RUFY1: variants seen among roughly 807,000 people sequenced by gnomAD.
The protein encoded by RUFY1 is RUN and FYVE domain-containing protein 1.
RUFY1 carries 54 observed loss-of-function variants against 94.6 expected under a neutral mutation model. The ratio of observed to expected loss-of-function variants is 0.57; its 90% CI spans 0.46 to 0.72. RUFY1 has a LOEUF of 0.72. Among genes scored for constraint, RUFY1 ranks in the 30% least tolerant of loss-of-function variants. RUFY1 has a pLI of 0.00. For missense variants in RUFY1, 883 were observed against 883.9 expected, an observed-to-expected ratio of 1.00 and a Z score of 0.01; for synonymous variants, 396 against 347.3, an observed-to-expected ratio of 1.14 and a Z score of -1.56.
chr5:179,570,852 T>C (rs1763177358), intron 5 of RUFY1, among the ~76,000 whole-genome samples: 1 of 152,164 alleles, frequency 6.6e-6, no homozygotes, highest in Non-Finnish European at 1.5e-5. Flanking sequence ...GAAGTATTTT[T>C]GAAAAGACAC....
intron 8 of RUFY1, 87 bp downstream of exon 8, chr5:179,585,952 T>C (rs937615824): frequency 9.6e-6 from 10 of 1,042,306 alleles, no homozygotes; most frequent in Non-Finnish European, 1.5e-5. Flanking sequence ...ATAGCAGAGC[T>C]TCCTGCTGGT....
At chr5:179,591,345 C>T (rs1488982575) in intron 9 of RUFY1, among the ~76,000 whole-genome samples, 7 of 151,860 alleles carry the variant, frequency 4.6e-5, no homozygotes, top group Admixed American at 4.6e-4. Context: ...CCACCACGCC[C>T]AGCTAATTGT....
intron 1 of RUFY1, among the ~76,000 whole-genome samples, chr5:179,553,647 G>A (rs1320177840): frequency 1.3e-5 from 2 of 151,914 alleles, no homozygotes; most frequent in African/African-American, 4.8e-5. Flanking sequence ...AAAATTAGCC[G>A]GGCTTGGTGG....
In RUFY1 at chr5:179,593,600, G is replaced by A. The variant is rs767845158; in HGVS notation, c.1368G>A (p.Leu456=). Residue 456 remains leucine (L), a synonymous_variant, in exon 11 of 18, where the codon CTG becomes CTA. Transcript: ENST00000319449. The part of the protein sequence containing the change: ...QDTLVALRQQ[L]EEVKAINLQM... Reference sequence around the variant, plus strand: ...CACTAGTTGCCCTCCGCCAGCAGCTGGAAGAAGTCAAAGCGATTAATTTAC... The same window carrying A: ...CACTAGTTGCCCTCCGCCAGCAGCTAGAAGAAGTCAAAGCGATTAATTTAC... The A allele has an allele frequency of 3.7e-6, 6 of 1,614,054 alleles. No individual in the cohort carries two copies. In the East Asian group the frequency reaches 1.3e-4, roughly 36 times the overall value.
chr5:179,564,219 C>T (rs1046368677), intron 3 of RUFY1, among the ~76,000 whole-genome samples: 1 of 149,618 alleles, frequency 6.7e-6, no homozygotes, highest in Admixed American at 6.7e-5. Context: ...CCCTGGGTTC[C>T]AGCGATTCTC....
chr5:179,605,954 C>G, intron 16 of RUFY1, 30 bp downstream of exon 16: 1 of 1,523,814 alleles, frequency 6.6e-7, no homozygotes, highest in Non-Finnish European at 9.1e-7. Flanking sequence ...CACTTCTTTG[C>G]TGTCAGCTTG....
intron 10 of RUFY1, among the ~76,000 whole-genome samples, chr5:179,592,452 C>T (rs1022871585): frequency 2.6e-5 from 4 of 152,160 alleles, no homozygotes; most frequent in African/African-American, 9.7e-5. Context: ...CGGAGTTTCA[C>T]CATCTTGGGC....
rs748319712 is a variant in RUFY1, at chr5:179,577,159, CTTTTTTTTTTTTTTTTT to C, written c.890+37_890+53del. The stretch of plus-strand genomic sequence containing the variant: ...GGAGTAAGTACTGCGTTGTATGTCA[CTTTTTTTTTTTTTTTTT>C]TTTTTTTTTTTTTGAGACAGAATCT... On this transcript the variant is annotated intron_variant, in intron 6 of 17. Coordinates refer to ENST00000319449, the MANE Select transcript of RUFY1 (RefSeq NM_025158.5). The C allele has an allele frequency of 1.3e-3, 251 of 186,746 alleles. 2 individuals carry two copies. The highest frequency in any genetic ancestry group is 8.5e-3 in the South Asian group (191 of 22,352). The allele number at this position is 186,746 out of a possible 1,614,324, so 11.6% of individuals were successfully genotyped here. A position where few individuals can be genotyped will look rare whatever the true frequency, so the allele number is the denominator to read the frequency against.
At chr5:179,606,031 C>A in intron 16 of RUFY1, 107 bp downstream of exon 16, 1 of 782,820 alleles carries the variant, frequency 1.3e-6, no homozygotes, top group East Asian at 2.5e-5. Context: ...GTGGTTGAGG[C>A]AGTGGTGATG....
At chr5:179,580,284 C>T (rs951746846) in intron 6 of RUFY1, among the ~76,000 whole-genome samples, 1 of 143,410 alleles carries the variant, frequency 7.0e-6, no homozygotes, top group African/African-American at 2.5e-5. Flanking sequence ...GCTCTGTCGC[C>T]CAGGCTGGAG....
chr5:179,600,373 G>A (rs73809490), intron 14 of RUFY1, among the ~76,000 whole-genome samples: 3,128 of 152,232 alleles, frequency 0.021, 121 homozygotes, highest in African/African-American at 0.07. Context: ...TGTCAGTGCC[G>A]TTGCCCCCTG....
chr5:179,607,632 G>A lies in RUFY1; in HGVS notation c.1956G>A (p.Glu652=). 1 of 1,614,162 alleles carries A rather than the reference G, an allele frequency of 6.2e-7. No individual in the cohort carries two copies. The highest frequency in any genetic ancestry group is 8.5e-7 in the Non-Finnish European group (1 of 1,179,998). ...DDEATHCRQC[E]KEFSISRRKH... is the part of the protein sequence containing the mutation. ...AAGCGACACACTGTAGGCAGTGTGA[G>A]AAGGAGTTCTCCATTTCCCGGAGAA... The change falls in exon 17 of 18, where the codon GAG becomes GAA. Residue 652 remains glutamate (E), a synonymous_variant. Coordinates refer to ENST00000319449, the MANE Select transcript of RUFY1 (RefSeq NM_025158.5).
At chr5:179,581,370 A>C (rs1363343765) in intron 7 of RUFY1, among the ~76,000 whole-genome samples, 1 of 152,102 alleles carries the variant, frequency 6.6e-6, no homozygotes, top group African/African-American at 2.4e-5. Context: ...CCAGGAAAAA[A>C]GAGTTGAAAA....
intron 1 of RUFY1, among the ~76,000 whole-genome samples, chr5:179,556,599 C>A (rs367678682): frequency 6.6e-6 from 1 of 151,906 alleles, no homozygotes; most frequent in Non-Finnish European, 1.5e-5. Flanking sequence ...CTCCCGAGTT[C>A]AAGTGATCCT....
rs1762419849 is a variant in RUFY1, at chr5:179,561,110, C to G, written c.484+912C>G. Among the ~76,000 whole-genome samples the G allele has an allele frequency of 1.3e-5, 2 of 152,110 alleles. 1 individual carries two copies. The highest frequency in any genetic ancestry group is 2.9e-5 in the Non-Finnish European group (2 of 68,040). Reference sequence around the variant, plus strand: ...CCTGTAATCCCAGCTACTCGAGTGGCTGAGGCAGGAGAATCTCTTGAACCC... The same window carrying G: ...CCTGTAATCCCAGCTACTCGAGTGGGTGAGGCAGGAGAATCTCTTGAACCC... On this transcript the variant is annotated intron_variant, in intron 2 of 17. Coordinates refer to ENST00000319449, the MANE Select transcript of RUFY1 (RefSeq NM_025158.5).
chr5:179,571,905 T>C (rs1308710927), intron 5 of RUFY1, among the ~76,000 whole-genome samples: 1 of 152,228 alleles, frequency 6.6e-6, no homozygotes, highest in African/African-American at 2.4e-5. Flanking sequence ...TGACCCTTTT[T>C]CAGAATTATT....
At chr5:179,556,924 TTTTG>T (rs1284247637) in intron 1 of RUFY1, among the ~76,000 whole-genome samples, 10 of 152,238 alleles carry the variant, frequency 6.6e-5, no homozygotes, top group African/African-American at 1.7e-4. Flanking sequence ...TAGTCCTGTT[TTTTG>T]TTTGTTTGTT....
At chr5:179,559,577 A>C (rs1762282716) in intron 1 of RUFY1, 1 of 767,384 alleles carries the variant, frequency 1.3e-6, no homozygotes. Flanking sequence ...GCTCCGTAGG[A>C]GAGGCCTTGA....
At chr5:179,595,385 G>A (rs1359653081) in intron 12 of RUFY1, among the ~76,000 whole-genome samples, 1 of 152,030 alleles carries the variant, frequency 6.6e-6, no homozygotes. Context: ...AAAGGAGGGG[G>A]CAAAAGACTT....
Sources: gnomAD v4.1 joint callset for allele counts (sites outside exome capture counted in the v4.1 genomes callset) on GRCh38, gnomAD v4.1.1 for gene constraint, MANE v1.5 for transcripts, NCBI Gene and HGNC (gene_info 2026-07-23, HGNC 2026-07-21) for gene names.